The following UGT1A3 variants were observed in gnomAD, a reference collection of about 807,000 sequenced individuals.
UGT1A3 encodes the protein UDP glucuronosyltransferase family 1 member A3.
Under a neutral mutation model 41.0 loss-of-function variants are expected in UGT1A3, and 31 were observed. That is an observed-to-expected ratio of 0.76 (90% confidence interval 0.57 to 1.02). UGT1A3 has a LOEUF of 1.02. Among genes scored for constraint, UGT1A3 ranks in the 50% least tolerant of loss-of-function variants. The pLI is 0.00. For synonymous variants in UGT1A3, 262 were observed against 257.6 expected (o/e 1.02, Z -0.17); for missense variants, 737 against 671.0 (o/e 1.10, Z -1.09).
At chr2:233,760,684 A>G in intron 1 of UGT1A3, 1 of 1,614,204 alleles carries the variant, frequency 6.2e-7, no homozygotes, top group Non-Finnish European at 8.5e-7. Context: ...CTTACTGCAC[A>G]ACAAGGAGCT....
intron 1 of UGT1A3, among the ~76,000 whole-genome samples, chr2:233,740,081 G>A (rs375117222): frequency 1.3e-5 from 2 of 151,740 alleles, no homozygotes; most frequent in African/African-American, 2.4e-5. Flanking sequence ...TCTGTCTCTC[G>A]CCTGCTGCCA....
rs771299324 is a variant in UGT1A3 at position 233,729,314 on chromosome 2, C to T, written c.188C>T (p.Pro63Leu). 4 of 1,614,130 alleles carry T rather than the reference C, an allele frequency of 2.5e-6. No homozygotes were observed. Among genetic ancestry groups the T allele is most frequent in the East Asian group, 4.5e-5 (2 of 44,898 alleles). The change falls in exon 1 of 5, where the codon CCA becomes CTA. Residue 63 changes from proline to leucine, a missense_variant. Physicochemically the swap from Pro to Leu is moderately conservative, Grantham distance 98. Transcript: ENST00000482026. ...GGCCACCAGGCAGTGGTCCTCACCC[C>T]AGAGGTGAATATGCACATCAAAGAA... The part of the protein sequence containing the change: ...ARGHQAVVLT[P>L]EVNMHIKEEN...
At chr2:233,758,428 C>T (rs1696877541) in intron 1 of UGT1A3, among the ~76,000 whole-genome samples, 2 of 152,212 alleles carry the variant, frequency 1.3e-5, no homozygotes. Context: ...CAAATGAACT[C>T]ACACAGCATT....
In UGT1A3 at chr2:233,743,625, C is replaced by T. The variant is rs201123763; in HGVS notation, c.867+13632C>T. On this transcript the variant is annotated intron_variant, in intron 1 of 4. Coordinates refer to ENST00000482026, the MANE Select transcript of UGT1A3 (RefSeq NM_019093.4). The stretch of plus-strand genomic sequence containing the variant: ...CCGCCGAAGAACTCCCTGAAGACGT[C>T]GGCTGGGTCGCGGAAGCTGAAGACG... The T allele has an allele frequency of 8.8e-5, 121 of 1,367,318 alleles. 1 individual carries two copies. Among genetic ancestry groups the T allele is most frequent in the Non-Finnish European group, 9.0e-5 (92 of 1,021,868 alleles). The allele number at this position is 1,367,318 out of a possible 1,614,324, so 84.7% of individuals were successfully genotyped here.
intron 1 of UGT1A3, chr2:233,754,496 G>T: frequency 2.8e-6 from 1 of 356,968 alleles, no homozygotes; most frequent in South Asian, 2.1e-5. Flanking sequence ...CCTAAAAAAA[G>T]TCCGCTATTC....
At chr2:233,758,802 A>G (rs1160659282) in intron 1 of UGT1A3, among the ~76,000 whole-genome samples, 1 of 152,232 alleles carries the variant, frequency 6.6e-6, no homozygotes, top group Non-Finnish European at 1.5e-5. Flanking sequence ...TTGGAATTGT[A>G]TAGTACAGCA....
chr2:233,770,479 C>T (rs545055885), intron 4 of UGT1A3: 1 of 152,002 alleles, frequency 6.6e-6, no homozygotes, highest in Admixed American at 6.5e-5. Flanking sequence ...CATGAAGAAA[C>T]CTTATCTCTA....
rs541409164 is a variant in UGT1A3, at chr2:233,760,784, T to G, written c.868-6250T>G. ...CCCATCGTGGCCCAGTACCTGTCTC[T>G]GCCCACTGTATTCTTCTTGCATGCA... On this transcript the variant is annotated intron_variant, in intron 1 of 4. Transcript: ENST00000482026. 7 of 1,613,832 alleles carry G rather than the reference T, an allele frequency of 4.3e-6. No homozygotes were observed. In the East Asian group the frequency reaches 1.6e-4, roughly 36 times the overall value.
At chr2:233,761,183 A>C in intron 1 of UGT1A3, 1 of 1,614,192 alleles carries the variant, frequency 6.2e-7, no homozygotes, top group East Asian at 2.2e-5. Flanking sequence ...TTACATGCGT[A>C]TATTCTTTCA....
At chr2:233,746,798 G>A (rs1477118047) in intron 1 of UGT1A3, among the ~76,000 whole-genome samples, 2 of 151,768 alleles carry the variant, frequency 1.3e-5, no homozygotes, top group East Asian at 1.9e-4. Context: ...ATTCATGAGC[G>A]TGAATGTGGA....
At chr2:233,762,334 T>A (rs2125997251) in intron 1 of UGT1A3, among the ~76,000 whole-genome samples, 1 of 152,328 alleles carries the variant, frequency 6.6e-6, no homozygotes, top group Middle Eastern at 3.4e-3. Context: ...CCACAATAGC[T>A]CTTTTTAGTT....
chr2:233,760,180 T>A, intron 1 of UGT1A3: 1 of 1,548,272 alleles, frequency 6.5e-7, no homozygotes, highest in Non-Finnish European at 8.7e-7. Context: ...GACAGCTTTT[T>A]ATAGTCACGT....
chr2:233,772,878 G>A lies in UGT1A3; in HGVS notation c.*319G>A. ...GAAACATGGCCTGTTTGGGAGTGCG[G>A]GATTCAAAGGTGGTCCCACGGCTGC... is the stretch of plus-strand genomic sequence containing the variant. On this transcript the variant is annotated 3_prime_UTR_variant, in exon 5 of 5. Coordinates refer to ENST00000482026, the MANE Select transcript of UGT1A3 (RefSeq NM_019093.4). 1 of 577,674 alleles carries A rather than the reference G, an allele frequency of 1.7e-6. No individual in the cohort carries two copies. 35.8% of individuals were successfully genotyped at this position (577,674 alleles called of 1,614,324 possible). A position where few individuals can be genotyped will look rare whatever the true frequency, so the allele number is the denominator to read the frequency against.
intron 1 of UGT1A3, among the ~76,000 whole-genome samples, chr2:233,764,973 G>C (rs553153469): frequency 6.6e-6 from 1 of 152,178 alleles, no homozygotes; most frequent in African/African-American, 2.4e-5. Context: ...GGAGAAGGAT[G>C]GTCAGTGTCT....
In UGT1A3 at chr2:233,743,533, T is replaced by C. The variant is rs755870649; in HGVS notation, c.867+13540T>C. 6.6e-6 allele frequency: 9 copies of C among 1,367,096 alleles called. No individual in the cohort carries two copies. The African/African-American group carries it at 1.0e-4, about 16-fold the overall frequency. The allele number at this position is 1,367,096 out of a possible 1,614,324, so 84.7% of individuals were successfully genotyped here. ...CGCTCTGCTTCTGCTTCCCCAGCAG[T>C]TCCTCTGACCCCCCCAAAATATTCT... On this transcript the variant is annotated intron_variant, in intron 1 of 4. Coordinates refer to ENST00000482026, the MANE Select transcript of UGT1A3 (RefSeq NM_019093.4).
Position 233,769,931 on chromosome 2 carries a change from C to A in UGT1A3, c.1307+1492C>A, listed in dbSNP as rs1699987343. 1 of 247,432 alleles carries A rather than the reference C, an allele frequency of 4.0e-6. No homozygotes were observed. Among genetic ancestry groups the A allele is most frequent in the Admixed American group, 5.3e-5 (1 of 18,974 alleles). The allele number at this position is 247,432 out of a possible 1,614,324, so 15.3% of individuals were successfully genotyped here. A position where few individuals can be genotyped will look rare whatever the true frequency, so the allele number is the denominator to read the frequency against. On this transcript the variant is annotated intron_variant, in intron 4 of 4. Transcript: ENST00000482026. The surrounding 1 kb of genome is among the most constrained non-coding windows in gnomAD (Gnocchi z 4.4). Reference sequence around the variant, plus strand: ...CCCAGAGCGTTGGGTGGTGTGGTCCCATTCCTTCCTTCCAGCGGCTTCTTC... The same window carrying A: ...CCCAGAGCGTTGGGTGGTGTGGTCCAATTCCTTCCTTCCAGCGGCTTCTTC...
At chr2:233,760,186 C>G (rs1697340087) in intron 1 of UGT1A3, 1 of 1,558,442 alleles carries the variant, frequency 6.4e-7, no homozygotes, top group Admixed American at 1.8e-5. Flanking sequence ...TTTTTATAGT[C>G]ACGTGACACA....
intron 1 of UGT1A3, among the ~76,000 whole-genome samples, chr2:233,749,291 C>G (rs28900384): frequency 0.034 from 5,146 of 151,834 alleles, 168 homozygotes; most frequent in African/African-American, 0.052. Context: ...TGTAGTTATT[C>G]AATTATAAAA....
intron 1 of UGT1A3, among the ~76,000 whole-genome samples, chr2:233,763,104 C>A (rs548930615): frequency 6.6e-6 from 1 of 152,314 alleles, no homozygotes; most frequent in East Asian, 1.9e-4. Flanking sequence ...AGGCACCGAA[C>A]TTTATCAGCT....
Sources: gnomAD v4.1 joint callset for allele counts (sites outside exome capture counted in the v4.1 genomes callset) on GRCh38, gnomAD v4.1.1 for gene constraint, Gnocchi (gnomAD v3.1) non-coding constraint, MANE v1.5 for transcripts, NCBI Gene and HGNC (gene_info 2026-07-23, HGNC 2026-07-21) for gene names.